The following GART variants were observed in gnomAD, a reference collection of about 807,000 sequenced individuals.
GART encodes phosphoribosylglycinamide formyltransferase, phosphoribosylglycinamide synthetase, phosphoribosylaminoimidazole synthetase, also known as trifunctional purine biosynthetic protein adenosine-3.
GART carries 43 observed loss-of-function variants against 107.2 expected under a neutral mutation model. That is an observed-to-expected ratio of 0.40 (90% CI 0.31 to 0.52). GART has a LOEUF of 0.52. GART is among the 20% of genes least tolerant of loss of function. The probability of loss-of-function intolerance (pLI) is 0.52; values close to 1 mark genes in which losing one functional copy is unlikely to be tolerated. For synonymous variants in GART, 434 were observed against 427.0 expected, an observed-to-expected ratio of 1.02 and a Z score of -0.20; for missense variants, 1,107 against 1,206.5, an observed-to-expected ratio of 0.92 and a Z score of 1.22.
chr21:33,523,858 T>C (rs899443584), intron 11 of GART, among the ~76,000 whole-genome samples: 3 of 149,338 alleles, frequency 2.0e-5, no homozygotes, highest in African/African-American at 7.4e-5. Flanking sequence ...TCCCAGCTAC[T>C]CAGGAGGCTG....
At chr21:33,515,829 A>G (rs984964977) in intron 16 of GART, among the ~76,000 whole-genome samples, 1 of 152,036 alleles carries the variant, frequency 6.6e-6, no homozygotes, top group African/African-American at 2.4e-5. Context: ...ACAACAATCT[A>G]GTGGGTGGTA....
chr21:33,505,810 G>T, intron 19 of GART, 108 bp from the exon 20 acceptor site: 2 of 1,331,394 alleles, frequency 1.5e-6, no homozygotes, highest in Non-Finnish European at 2.1e-6. Flanking sequence ...AGATATACCT[G>T]ATAGAGAGAT....
chr21:33,534,496 T>G, intron 4 of GART, 83 bp downstream of exon 4: 637 of 1,441,402 alleles, frequency 4.4e-4, no homozygotes, highest in Non-Finnish European at 5.5e-4. Context: ...GGATTACAGG[T>G]GAGCTACTGT....
chr21:33,509,098 A>C (rs1189278271), intron 18 of GART: 1 of 152,248 alleles, frequency 6.6e-6, no homozygotes, highest in Non-Finnish European at 1.5e-5. Flanking sequence ...AAGAAGTATC[A>C]GAGCTGGTTG....
intron 16 of GART, among the ~76,000 whole-genome samples, chr21:33,513,444 T>G (rs994367491): frequency 7.9e-5 from 12 of 151,858 alleles, no homozygotes; most frequent in African/African-American, 2.9e-4. Flanking sequence ...GAGACGCACA[T>G]CTGTAATCCC....
At position 33,508,559 on chromosome 21, in the gene GART, C is replaced by T. The variant is rs182612910; in HGVS notation, c.2452+1224G>A. ...TTTGAGATGGAGTCTTGCTCTGTCT[C>T]CAGGCTGGAGTACAGTGGTGCAATC... On this transcript the variant is annotated intron_variant, in intron 18 of 21. Transcript: ENST00000381815. Among the ~76,000 whole-genome samples the T allele has an allele frequency of 4.4e-5, 6 of 136,276 alleles. No homozygotes were observed. In the East Asian group the frequency reaches 8.4e-4, roughly 19 times the overall value. 89.4% of individuals were successfully genotyped at this position (136,276 alleles called of 152,430 possible).
chr21:33,526,231 T>C (rs906336814), intron 10 of GART, among the ~76,000 whole-genome samples: 1 of 151,992 alleles, frequency 6.6e-6, no homozygotes, highest in South Asian at 2.1e-4. Context: ...TGTGCAGTTG[T>C]GCGACCTCGG....
intron 16 of GART, among the ~76,000 whole-genome samples, chr21:33,515,839 AT>A (rs2084867881): frequency 6.6e-6 from 1 of 152,040 alleles, no homozygotes; most frequent in East Asian, 1.9e-4. Flanking sequence ...AGTGGGTGGT[AT>A]CTATGTCCAG....
intron 9 of GART, 72 bp downstream of exon 9, chr21:33,528,447 C>A (rs1157503599): frequency 9.1e-6 from 14 of 1,539,238 alleles, no homozygotes; most frequent in Non-Finnish European, 1.2e-5. Context: ...GTAATTACTT[C>A]CAGGCTGATA....
At chr21:33,510,636 CTCTT>C (rs1175436734) in intron 17 of GART, among the ~76,000 whole-genome samples, 2 of 152,122 alleles carry the variant, frequency 1.3e-5, no homozygotes, top group Admixed American at 1.3e-4. Flanking sequence ...GGCTGGGTCT[CTCTT>C]TCTTATTGTA....
chr21:33,514,407 A>T (rs982465369), intron 16 of GART, among the ~76,000 whole-genome samples: 1 of 152,208 alleles, frequency 6.6e-6, no homozygotes, highest in Non-Finnish European at 1.5e-5. Flanking sequence ...TGTGTAACTC[A>T]AACTATAACT....
At chr21:33,539,021 C>T in intron 2 of GART, 150 bp downstream of exon 2, 1 of 577,988 alleles carries the variant, frequency 1.7e-6, no homozygotes. Flanking sequence ...ACCTCATGAT[C>T]CGCATATCTC....
In GART at chr21:33,517,201, A is replaced by T. The variant is rs528530225; in HGVS notation, c.1955-60T>A. The T allele has an allele frequency of 2.4e-5, 37 of 1,565,008 alleles. No homozygotes were observed. The East Asian group carries it at 7.6e-4, about 32-fold the overall frequency. On this transcript the variant is annotated intron_variant, in intron 15 of 21. Coordinates refer to ENST00000381815, the MANE Select transcript of GART (RefSeq NM_000819.5). ...TATGAATAGAAAACCAAAACATAAA[A>T]ATCAACCTGGAGAATGACACCAGCT...
intron 10 of GART, among the ~76,000 whole-genome samples, chr21:33,526,155 C>T (rs1378067906): frequency 6.6e-6 from 1 of 151,882 alleles, no homozygotes; most frequent in Non-Finnish European, 1.5e-5. Context: ...TCATGAGCCA[C>T]TGCGCCCAGC....
intron 4 of GART, among the ~76,000 whole-genome samples, chr21:33,532,827 C>T (rs2085219278): frequency 6.6e-6 from 1 of 152,158 alleles, no homozygotes; most frequent in South Asian, 2.1e-4. Context: ...TAAGCATACA[C>T]AGACCATTTC....
chr21:33,513,507 T>C (rs1316728021), intron 16 of GART, among the ~76,000 whole-genome samples: 1 of 151,756 alleles, frequency 6.6e-6, no homozygotes, highest in African/African-American at 2.4e-5. Flanking sequence ...GAGGTGGAGG[T>C]TGCAGTGAGC....
At chr21:33,526,023 C>A (rs1007119697) in intron 10 of GART, among the ~76,000 whole-genome samples, 1 of 151,790 alleles carries the variant, frequency 6.6e-6, no homozygotes, top group Non-Finnish European at 1.5e-5. Flanking sequence ...GTGCCCACCA[C>A]CATGCCCGGC....
At chr21:33,506,487 G>A (rs1407186335) in intron 18 of GART, among the ~76,000 whole-genome samples, 1 of 152,180 alleles carries the variant, frequency 6.6e-6, no homozygotes, top group East Asian at 1.9e-4. Flanking sequence ...ATAGGGGACA[G>A]TCAAATTTTC....
chr21:33,525,031 C>G (rs1569024498), intron 10 of GART, 31 bp from the exon 11 acceptor site: 40 of 1,594,294 alleles, frequency 2.5e-5, no homozygotes, highest in Non-Finnish European at 3.3e-5. Context: ...CATATGATTT[C>G]AAATAGCAAC....
Sources: gnomAD v4.1 joint callset for allele counts (sites outside exome capture counted in the v4.1 genomes callset) on GRCh38, gnomAD v4.1.1 for gene constraint, MANE v1.5 for transcripts, NCBI Gene and HGNC (gene_info 2026-07-23, HGNC 2026-07-21) for gene names.